The following CCDC159 variants were observed in gnomAD, a reference collection of about 807,000 sequenced individuals.
CCDC159 encodes coiled-coil domain containing 159.
In CCDC159, 40 loss-of-function variants were observed where a neutral mutation model predicts 50.9. The observed-to-expected ratio is 0.79, with a 90% CI of 0.61 to 1.02. The LOEUF is 1.02. Among genes scored for constraint, CCDC159 ranks in the 50% least tolerant of loss-of-function variants. The pLI is 0.00. For synonymous variants in CCDC159, 146 were observed against 138.9 expected (o/e 1.05, Z -0.36); for missense variants, 356 against 371.5 (o/e 0.96, Z 0.34).
At position 11,353,879 on chromosome 19, in the gene CCDC159, G is replaced by A. The variant is rs1312387246; in HGVS notation, c.772+5G>A. ...CCAAGGCCTCGAGCCTAAGAGGTGAGGGAGGCTGAGAATTGCTCAGGGGTG... is the reference window on the plus strand; with the variant it reads ...CCAAGGCCTCGAGCCTAAGAGGTGAAGGAGGCTGAGAATTGCTCAGGGGTG... On this transcript the variant is annotated splice_donor_5th_base_variant and intron_variant, in intron 9 of 10. Transcript: ENST00000458408. 1 of 1,561,164 alleles carries A rather than the reference G, an allele frequency of 6.4e-7. No homozygotes were observed. Among genetic ancestry groups the A allele is most frequent in the Admixed American group, 2.0e-5 (1 of 49,814 alleles).
rs764433184 is a variant in CCDC159, at chr19:11,348,714, C to T, written c.22-940C>T. 1.3e-5 allele frequency: 6 copies of T among 468,318 alleles called. No individual in the cohort carries two copies. The East Asian group carries it at 2.6e-4, about 20-fold the overall frequency. 29.0% of individuals were successfully genotyped at this position (468,318 alleles called of 1,614,324 possible). On this transcript the variant is annotated intron_variant, in intron 1 of 10. Coordinates refer to ENST00000458408, the MANE Select transcript of CCDC159 (RefSeq NM_001080503.3). ...TCTGGGGGCACTGGGGACATGGGGACTTATCTCAAAGCAGCCCCTGCTTCC... is the reference window on the plus strand; with the variant it reads ...TCTGGGGGCACTGGGGACATGGGGATTTATCTCAAAGCAGCCCCTGCTTCC...
chr19:11,351,897 T>C lies in CCDC159; in HGVS notation c.423-9T>C. 2 of 1,586,896 alleles carry C rather than the reference T, an allele frequency of 1.3e-6. No homozygotes were observed. Among genetic ancestry groups the C allele is most frequent in the Non-Finnish European group, 1.7e-6 (2 of 1,167,626 alleles). On this transcript the variant is annotated splice_polypyrimidine_tract_variant and intron_variant, in intron 5 of 10. Coordinates refer to ENST00000458408, the MANE Select transcript of CCDC159 (RefSeq NM_001080503.3). Reference sequence around the variant, plus strand: ...GGGAGTGCAGGTCTAGGCTGCACTGTCCCCTCAGCAAGAAGTTCCTGTGGG... The same window carrying C: ...GGGAGTGCAGGTCTAGGCTGCACTGCCCCCTCAGCAAGAAGTTCCTGTGGG...
rs1471558867 is a variant in CCDC159 at position 11,351,921 on chromosome 19, G to A, written c.438G>A (p.Trp146Ter). The change falls in exon 6 of 11, where the codon TGG becomes TGA. Residue 146 changes from tryptophan to a stop codon, truncating the protein, a stop_gained. Transcript: ENST00000458408. LOFTEE classifies it high-confidence loss of function. ...GTCCCCTCAGCAAGAAGTTCCTGTG[G>A]GAGGAGCTGGAACTGGTGCGGGAGG... ...QEIRDSKKFL[W>*]EELELVREEV... 22 of 1,599,714 alleles carry A rather than the reference G, an allele frequency of 1.4e-5. No homozygotes were observed. Among genetic ancestry groups the A allele is most frequent in the Non-Finnish European group, 1.8e-5 (21 of 1,173,794 alleles).
intron 5 of CCDC159, 131 bp from the exon 6 acceptor site, chr19:11,351,775 G>A: frequency 2.8e-6 from 2 of 715,808 alleles, no homozygotes; most frequent in Non-Finnish European, 4.8e-6. Flanking sequence ...GATTGTAGAA[G>A]GGGAGGGGAA....
chr19:11,354,520 CAG>C, intron 9 of CCDC159, 58 bp from the exon 10 acceptor site: 4 of 1,455,360 alleles, frequency 2.7e-6, no homozygotes, highest in Admixed American at 2.3e-5. Flanking sequence ...TGAAGGGACA[CAG>C]GGCCTATATT....
chr19:11,349,237 T>A, intron 1 of CCDC159: 3 of 1,154,978 alleles, frequency 2.6e-6, no homozygotes, highest in Non-Finnish European at 3.4e-6. Context: ...AGAAAACCAC[T>A]GCAATCTACT....
rs1383497952 is a variant in CCDC159 at position 11,354,616 on chromosome 19, C to T, written c.809C>T (p.Pro270Leu). ...KGHQCLSPPL[P>L]SWDSDSDCDQ... The stretch of plus-strand genomic sequence containing the variant: ...CACCAGTGCCTGAGCCCTCCACTCC[C>T]CTCCTGGGACTCTGACTCCGACTGT... The change falls in exon 10 of 11, where the codon CCC (proline) becomes CTC (leucine). Residue 270 changes from proline (P) to leucine (L), a missense_variant. Physicochemically the swap from Pro to Leu is moderately conservative, Grantham distance 98. Transcript: ENST00000458408. 1.3e-5 allele frequency: 21 copies of T among 1,601,348 alleles called. No homozygotes were observed. The highest frequency in any genetic ancestry group is 1.6e-5 in the Non-Finnish European group (19 of 1,173,954).
intron 4 of CCDC159, among the ~76,000 whole-genome samples, chr19:11,350,574 T>C (rs890474923): frequency 2.0e-5 from 3 of 152,064 alleles, no homozygotes; most frequent in East Asian, 1.9e-4. Context: ...AATTGCTTTC[T>C]GGGAGGCAGA....
chr19:11,349,874 T>G, intron 2 of CCDC159, 64 bp from the exon 3 acceptor site: 1 of 1,493,596 alleles, frequency 6.7e-7, no homozygotes, highest in Non-Finnish European at 9.3e-7. Flanking sequence ...TGCTGACCTC[T>G]GCCCTGCCCT....
In CCDC159 at chr19:11,351,918, G is replaced by A. The variant is rs1182627822; in HGVS notation, c.435G>A (p.Leu145=). ...ACTGTCCCCTCAGCAAGAAGTTCCT[G>A]TGGGAGGAGCTGGAACTGGTGCGGG... ...AQEIRDSKKF[L]WEELELVREE... Residue 145 remains leucine, a synonymous_variant, in exon 6 of 11, where the codon CTG becomes CTA. Transcript: ENST00000458408. 6.3e-7 allele frequency: 1 copy of A among 1,598,696 alleles called. No homozygotes were observed. Among genetic ancestry groups the A allele is most frequent in the Non-Finnish European group, 8.5e-7 (1 of 1,173,290 alleles).
rs375667700 is a variant in CCDC159, at chr19:11,352,114, C to T, written c.548C>T (p.Thr183Met). 27 of 1,613,498 alleles carry T rather than the reference C, an allele frequency of 1.7e-5. No homozygotes were observed. Among genetic ancestry groups the T allele is most frequent in the Admixed American group, 8.3e-5 (5 of 59,970 alleles). ...GTGAACATTCAGAAAATGCAGAAAA[C>T]GCAGGTGAAATGCCGCAAAGTGAGT... ...NLVNIQKMQK[T>M]QVKCRKILTK... Residue 183 changes from threonine (T) to methionine (M), a missense_variant, in exon 7 of 11, where the codon ACG becomes ATG. Thr to Met is a moderately conservative substitution (Grantham distance 81). Transcript: ENST00000458408.
rs762502253 is a variant in CCDC159 at position 11,354,700 on chromosome 19, C to T, written c.889+4C>T. The T allele has an allele frequency of 1.2e-6, 2 of 1,607,080 alleles. No homozygotes were observed. Among genetic ancestry groups the T allele is most frequent in the South Asian group, 1.1e-5 (1 of 90,276 alleles). On this transcript the variant is annotated splice_donor_region_variant and intron_variant, in intron 10 of 10. Coordinates refer to ENST00000458408, the MANE Select transcript of CCDC159 (RefSeq NM_001080503.3). ...AGCGGCCGCTCCTTCCCACCCGGTG[C>T]AGATCCTCCCCAGTCCCCCCCTCCA...
At chr19:11,349,771 C>T (rs1030645358) in intron 2 of CCDC159, 84 bp downstream of exon 2, 12 of 1,263,752 alleles carry the variant, frequency 9.5e-6, no homozygotes, top group Non-Finnish European at 1.4e-5. Flanking sequence ...ATCAGCTGTC[C>T]CCCTGCCATG....
In CCDC159 at chr19:11,354,695, C is replaced by G. The variant is rs374751855; in HGVS notation, c.888C>G (p.Pro296=). ...PFSKSGRSFP[P]A ...GCAAGAGCGGCCGCTCCTTCCCACCCGGTGCAGATCCTCCCCAGTCCCCCC... is the reference window on the plus strand; with the variant it reads ...GCAAGAGCGGCCGCTCCTTCCCACCGGGTGCAGATCCTCCCCAGTCCCCCC... Residue 296 remains proline, a splice_region_variant and synonymous_variant, in exon 10 of 11, where the codon CCC becomes CCG. Coordinates refer to ENST00000458408, the MANE Select transcript of CCDC159 (RefSeq NM_001080503.3). 10 of 1,606,932 alleles carry G rather than the reference C, an allele frequency of 6.2e-6. No individual in the cohort carries two copies. The highest frequency in any genetic ancestry group is 3.4e-5 in the Admixed American group (2 of 58,692).
At chr19:11,351,126 A>G (rs1320336434) in intron 5 of CCDC159, 123 bp downstream of exon 5, 1 of 1,016,142 alleles carries the variant, frequency 9.8e-7, no homozygotes, top group Non-Finnish European at 1.4e-6. Flanking sequence ...GGGATGGTGG[A>G]AAGCCTGAGG....
rs1349700520 is a variant in CCDC159 at position 11,350,949 on chromosome 19, A to G, written c.368A>G (p.Gln123Arg). The G allele has an allele frequency of 1.3e-6, 2 of 1,554,946 alleles. No individual in the cohort carries two copies. Among genetic ancestry groups the G allele is most frequent in the Admixed American group, 1.9e-5 (1 of 51,342 alleles). Residue 123 changes from glutamine to arginine, a missense_variant, in exon 5 of 11, where the codon CAG becomes CGG. By Grantham distance (43) the Gln-to-Arg change is conservative. Transcript: ENST00000458408. The part of the protein sequence containing the change: ...EKTLRDSEEM[Q>R]RARTTRCLQL... ...ACCCTGCGTGACAGTGAGGAGATGCAGCGGGCCCGCACCACTCGCTGCCTG... is the reference window on the plus strand; with the variant it reads ...ACCCTGCGTGACAGTGAGGAGATGCGGCGGGCCCGCACCACTCGCTGCCTG...
chr19:11,354,859 C>T lies in CCDC159; in HGVS notation c.890-14C>T, dbSNP rs1373473896. 6.2e-7 allele frequency: 1 copy of T among 1,613,272 alleles called. No homozygotes were observed. Among genetic ancestry groups the T allele is most frequent in the African/African-American group, 1.3e-5 (1 of 74,966 alleles). ...GGACCTGGCCAGGCCCTGACCCACC[C>T]TCTCTCTCCACAGCTTGAGCAGCCG... is the stretch of plus-strand genomic sequence containing the variant. On this transcript the variant is annotated splice_polypyrimidine_tract_variant and intron_variant, in intron 10 of 10. Coordinates refer to ENST00000458408, the MANE Select transcript of CCDC159 (RefSeq NM_001080503.3).
chr19:11,348,019 A>G (rs544055943), intron 1 of CCDC159: 26 of 423,158 alleles, frequency 6.1e-5, no homozygotes, highest in African/African-American at 4.5e-4. Flanking sequence ...TTGGCCGTCA[A>G]TGCCTTACTG....
chr19:11,348,844 A>C (rs762304517), intron 1 of CCDC159: 32 of 608,090 alleles, frequency 5.3e-5, no homozygotes, highest in Non-Finnish European at 9.1e-5. Flanking sequence ...TTTGCCTGCT[A>C]ACATGAAGTG....
Sources: allele counts gnomAD v4.1 joint callset (sites outside exome capture counted in the v4.1 genomes callset), GRCh38; gene constraint gnomAD v4.1.1; transcripts MANE v1.5; gene names NCBI Gene and HGNC (gene_info 2026-07-23, HGNC 2026-07-21).